SEC31A: variants seen among roughly 807,000 people sequenced by gnomAD.
SEC31A encodes the protein protein transport protein Sec31A.
A neutral mutation model predicts 151.0 loss-of-function variants in SEC31A; 70 were observed. The observed-to-expected ratio is 0.46, with a 90% confidence interval of 0.38 to 0.57. SEC31A has a LOEUF of 0.57. Ranked by LOEUF, SEC31A falls within the 20% of genes least tolerant of loss-of-function variation. The pLI is 0.00. For missense variants in SEC31A, 1,330 were observed against 1,471.2 expected, an observed-to-expected ratio of 0.90 and a Z score of 1.57; for synonymous variants, 475 against 505.9, an observed-to-expected ratio of 0.94 and a Z score of 0.82.
intron 22 of SEC31A, chr4:82,831,494 C>T (rs1725930424): frequency 6.6e-6 from 1 of 152,330 alleles, no homozygotes; most frequent in African/African-American, 2.4e-5. Flanking sequence ...TCTTTGCAGC[C>T]ATCTCCCAGA....
chr4:82,893,063 C>A (rs1292517014), upstream of SEC31A: 1 of 152,128 alleles, frequency 6.6e-6, no homozygotes, highest in Non-Finnish European at 1.5e-5. Context: ...TTGCATAGCA[C>A]AAAGATATTC....
chr4:82,876,700 C>A (rs1214434794), intron 4 of SEC31A, among the ~76,000 whole-genome samples: 1 of 152,024 alleles, frequency 6.6e-6, no homozygotes, highest in East Asian at 1.9e-4. Context: ...CTGGTACATA[C>A]CTTAAGGGTC....
chr4:82,847,514 A>G (rs1429824719), intron 20 of SEC31A, among the ~76,000 whole-genome samples: 1 of 152,200 alleles, frequency 6.6e-6, no homozygotes, highest in Non-Finnish European at 1.5e-5. Flanking sequence ...CCTAATGTAG[A>G]GCTTGCCTTG....
chr4:82,833,242 C>A (rs1346041994), intron 22 of SEC31A, among the ~76,000 whole-genome samples: 1 of 152,128 alleles, frequency 6.6e-6, no homozygotes, highest in Non-Finnish European at 1.5e-5. Flanking sequence ...AGGATGAGTT[C>A]ATGTACTTTG....
chr4:82,860,051 C>T (rs754505057), intron 14 of SEC31A, among the ~76,000 whole-genome samples: 1 of 152,178 alleles, frequency 6.6e-6, no homozygotes, highest in Non-Finnish European at 1.5e-5. Flanking sequence ...CTCGGCCTCC[C>T]AAAGTGCTGG....
At chr4:82,881,044 T>C (rs1033584293) in intron 2 of SEC31A, 122 bp from the exon 3 acceptor site, 15 of 762,738 alleles carry the variant, frequency 2.0e-5, no homozygotes, top group South Asian at 1.7e-4. Flanking sequence ...ACATATGCCA[T>C]TGAGCAGATG....
At chr4:82,874,021 C>G (rs372311146) in intron 6 of SEC31A, among the ~76,000 whole-genome samples, 5 of 151,908 alleles carry the variant, frequency 3.3e-5, no homozygotes, top group Non-Finnish European at 5.9e-5. Context: ...CTGCAATGGC[C>G]GGGCACAGAA....
chr4:82,824,652 T>G lies in SEC31A; in HGVS notation c.3314A>C (p.Lys1105Thr), dbSNP rs751550106. 2.5e-6 allele frequency: 4 copies of G among 1,614,122 alleles called. No individual in the cohort carries two copies. In the Admixed American group the frequency reaches 6.7e-5, roughly 27 times the overall value. The change falls in exon 25 of 27, where the codon AAA (lysine) becomes ACA (threonine). Residue 1105 changes from lysine (K) to threonine (T), a missense_variant. Physicochemically the swap from Lys to Thr is moderately conservative, Grantham distance 78. Transcript: ENST00000395310. ...TFQHVQSLPT[K>T]KITKKPIPDE... Reference sequence around the variant, plus strand: ...TGGAATAGGTTTCTTGGTAATTTTTTTTGTTGGCAAAGACTGCACATGCTG... The same window carrying G: ...TGGAATAGGTTTCTTGGTAATTTTTGTTGTTGGCAAAGACTGCACATGCTG...
At chr4:82,895,955 G>C (rs1720044992), upstream of SEC31A, among the ~76,000 whole-genome samples, 1 of 152,152 alleles carries the variant, frequency 6.6e-6, no homozygotes, top group Non-Finnish European at 1.5e-5. Flanking sequence ...AGCTCTAGTT[G>C]TAAGATTCTC....
At position 82,823,394 on chromosome 4, in the gene SEC31A, C is replaced by T. The variant is rs539644636; in HGVS notation, c.3411+1161G>A. Among the ~76,000 whole-genome samples, 164 of 152,324 alleles carry T rather than the reference C, an allele frequency of 1.1e-3. 1 individual carries two copies. The highest frequency in any genetic ancestry group is 2.0e-3 in the Non-Finnish European group (133 of 68,026). ...TCTGCTCTCTTGTTTCCACCTTGGT[C>T]TTCCCATCACTCCCAGAATGTCAGG... On this transcript the variant is annotated intron_variant, in intron 25 of 26. Coordinates refer to ENST00000395310, the MANE Select transcript of SEC31A (RefSeq NM_001077207.4).
intron 4 of SEC31A, chr4:82,877,383 CTT>C (rs11297864): frequency 3.8e-4 from 54 of 143,778 alleles, no homozygotes; most frequent in South Asian, 1.6e-3. Context: ...AACTCAAGGT[CTT>C]TTTTTTTTTT....
Position 82,863,200 on chromosome 4 carries a change from C to A in SEC31A, c.1509+118G>T, listed in dbSNP as rs111545996. 4,512 of 652,882 alleles carry A rather than the reference C, an allele frequency of 6.9e-3. 155 individuals are homozygous for A. In the African/African-American group the frequency reaches 0.073, roughly 11 times the overall value. The allele number at this position is 652,882 out of a possible 1,614,324, so 40.4% of individuals were successfully genotyped here. A position where few individuals can be genotyped will look rare whatever the true frequency, so the allele number is the denominator to read the frequency against. On this transcript the variant is annotated intron_variant, in intron 12 of 26. Transcript: ENST00000395310. ...AGAAAAAGGGAAAAAACGCTGGCAA[C>A]CAAACACAAATTATTATTAAATGTT...
chr4:82,869,963 C>T (rs879260832), intron 8 of SEC31A, among the ~76,000 whole-genome samples: 17 of 152,208 alleles, frequency 1.1e-4, no homozygotes, highest in Admixed American at 6.5e-4. Context: ...TCCTCAGGAA[C>T]GGTAAAGCAG....
At chr4:82,834,957 T>C (rs1031483687) in intron 22 of SEC31A, among the ~76,000 whole-genome samples, 4 of 152,194 alleles carry the variant, frequency 2.6e-5, no homozygotes, top group African/African-American at 2.4e-5. Flanking sequence ...GCAATTCTCC[T>C]GCCTTAGCCT....
Position 82,861,715 on chromosome 4 carries a change from T to C in SEC31A, c.1549-7A>G. 2 of 1,594,636 alleles carry C rather than the reference T, an allele frequency of 1.3e-6. No individual in the cohort carries two copies. The highest frequency in any genetic ancestry group is 1.3e-5 in the African/African-American group (1 of 74,634). On this transcript the variant is annotated splice_polypyrimidine_tract_variant and splice_region_variant and intron_variant, in intron 13 of 26. Transcript: ENST00000395310. Reference sequence around the variant, plus strand: ...GGTCAGAGTCTTTAAGAGCCTTTGGTACACAAAACAATTACAGGGGAAGGT... The same window carrying C: ...GGTCAGAGTCTTTAAGAGCCTTTGGCACACAAAACAATTACAGGGGAAGGT...
At chr4:82,832,882 G>A (rs978222290) in intron 22 of SEC31A, among the ~76,000 whole-genome samples, 11 of 152,096 alleles carry the variant, frequency 7.2e-5, no homozygotes, top group African/African-American at 1.9e-4. Context: ...TTACAATGGC[G>A]ATCATTAAAA....
In SEC31A at chr4:82,842,232, C is replaced by G. The variant is rs747918192; in HGVS notation, c.2876G>C (p.Gly959Ala). ...ATAAGCTGAAGATGATGGTGGAGCTCCTGGTCCGCCATGCTGGAAGGATGC... is the reference window on the plus strand; with the variant it reads ...ATAAGCTGAAGATGATGGTGGAGCTGCTGGTCCGCCATGCTGGAAGGATGC... ...SGASFQHGGPGAPPSSSAYAL... is the reference protein window; with the variant it reads ...SGASFQHGGPAAPPSSSAYAL... The change falls in exon 22 of 27, where the codon GGA becomes GCA. Residue 959 changes from glycine to alanine, a missense_variant. Transcript: ENST00000395310. 3.1e-6 allele frequency: 5 copies of G among 1,613,296 alleles called. No individual in the cohort carries two copies. Among genetic ancestry groups the G allele is most frequent in the Non-Finnish European group, 4.2e-6 (5 of 1,179,538 alleles).
chr4:82,828,673 CAAA>C (rs397994259), intron 23 of SEC31A, among the ~76,000 whole-genome samples: 1 of 44,116 alleles, frequency 2.3e-5, no homozygotes, highest in African/African-American at 9.2e-5. Flanking sequence ...CAAAGTAACT[CAAA>C]AAAAAAAAAA....
At chr4:82,872,222 T>C in intron 6 of SEC31A, 136 bp from the exon 7 acceptor site, 1 of 704,500 alleles carries the variant, frequency 1.4e-6, no homozygotes, top group South Asian at 1.9e-5. Flanking sequence ...GATCTATTTA[T>C]TGTCAGCCAG....
Sources: allele counts gnomAD v4.1 joint callset (sites outside exome capture counted in the v4.1 genomes callset), GRCh38; gene constraint gnomAD v4.1.1; transcripts MANE v1.5; gene names NCBI Gene and HGNC (gene_info 2026-07-23, HGNC 2026-07-21).